GRHL1: variants seen among roughly 807,000 people sequenced by gnomAD.
GRHL1 encodes grainyhead like transcription factor 1, also known as grainyhead-like protein 1 homolog.
In GRHL1, 38 loss-of-function variants were observed where a neutral mutation model predicts 75.7. That is an observed-to-expected ratio of 0.50 (90% CI 0.39 to 0.66). The LOEUF (loss-of-function observed/expected upper bound fraction) is 0.66, where lower values mean the gene tolerates loss of function less well. Ranked by LOEUF, GRHL1 falls within the 30% of genes least tolerant of loss-of-function variation. GRHL1 has a pLI of 0.00. For missense variants in GRHL1, 589 were observed against 767.5 expected, an observed-to-expected ratio of 0.77 and a Z score of 2.75; for synonymous variants, 266 against 279.4, an observed-to-expected ratio of 0.95 and a Z score of 0.48.
At chr2:9,996,915 C>G (rs182864530) in intron 14 of GRHL1, among the ~76,000 whole-genome samples, 1 of 152,306 alleles carries the variant, frequency 6.6e-6, no homozygotes, top group East Asian at 1.9e-4. Context: ...TAAACTGACC[C>G]CATGCTCCCT....
Position 9,992,048 on chromosome 2 carries a change from A to C in GRHL1, c.1363A>C (p.Met455Leu). 6.2e-7 allele frequency: 1 copy of C among 1,611,550 alleles called. No individual in the cohort carries two copies. The highest frequency in any genetic ancestry group is 8.5e-7 in the Non-Finnish European group (1 of 1,178,496). Residue 455 changes from methionine to leucine, a missense_variant, in exon 11 of 16, where the codon ATG (methionine) becomes CTG (leucine). This residue lies in a region of GRHL1 where 192 missense variants were observed against 226.6 expected (regional missense o/e 0.85). Coordinates refer to ENST00000324907, the MANE Select transcript of GRHL1 (RefSeq NM_198182.3). This position sits in a 1 kb window ranked among gnomAD's most constrained non-coding sequence, Gnocchi z 4.6. ...GCCACTGCTTCCCTCTCACAAGCGA[A>C]TGGATATCACAGTTTTCAAACCCTT... ...KVPLLPSHKR[M>L]DITVFKPFID...
rs146036531 is a variant in GRHL1 at position 9,967,797 on chromosome 2, T to C, written c.1110+2416T>C. ...CATGCAGAATCCTGTATAGTTGGTT[T>C]TTTTTTTTACTGTTTTCTGAAAATA... On this transcript the variant is annotated intron_variant, in intron 8 of 15. Transcript: ENST00000324907. Among the ~76,000 whole-genome samples the C allele has an allele frequency of 5.4e-3, 817 of 152,264 alleles. 9 individuals are homozygous for C. Among genetic ancestry groups the C allele is most frequent in the African/African-American group, 0.019 (769 of 41,542 alleles).
intron 2 of GRHL1, among the ~76,000 whole-genome samples, chr2:9,957,195 T>TAGACA: frequency 6.6e-6 from 1 of 152,020 alleles, no homozygotes; most frequent in Non-Finnish European, 1.5e-5. Context: ...CTCACTATGT[T>TAGACA]GCCCAGGCTG....
intron 15 of GRHL1, 152 bp from the exon 16 acceptor site, chr2:10,000,441 T>C: frequency 1.7e-6 from 1 of 603,888 alleles, no homozygotes; most frequent in Non-Finnish European, 3.0e-6. Context: ...ATTATCCCCA[T>C]TTTATAGATG....
At chr2:9,976,224 G>A (rs909454771) in intron 8 of GRHL1, among the ~76,000 whole-genome samples, 10 of 152,182 alleles carry the variant, frequency 6.6e-5, no homozygotes, top group African/African-American at 1.4e-4. Flanking sequence ...TCTAGTAAGC[G>A]TAGGGTTGCA....
rs1206291945 is a variant in GRHL1, at chr2:9,987,612, A to C, written c.1269+1330A>C. Among the ~76,000 whole-genome samples the C allele has an allele frequency of 6.6e-6, 1 of 152,220 alleles. No homozygotes were observed. Among genetic ancestry groups the C allele is most frequent in the Non-Finnish European group, 1.5e-5 (1 of 68,040 alleles). ...ACAGGGAGGCAAGAAGAAAAAGTGC[A>C]GGGCCCAGAGGGATCTCTGCATGAC... On this transcript the variant is annotated intron_variant, in intron 9 of 15. Transcript: ENST00000324907. The surrounding 1 kb of genome is among the most constrained non-coding windows in gnomAD (Gnocchi z 4.2).
At chr2:9,996,101 T>C (rs1668851368) in intron 13 of GRHL1, 131 bp downstream of exon 13, 4 of 748,064 alleles carry the variant, frequency 5.3e-6, no homozygotes, top group South Asian at 1.6e-5. Context: ...CAGACTGACA[T>C]CTAGCTTGAG....
In GRHL1 at chr2:9,964,545, T is replaced by A. The variant is rs551656773; in HGVS notation, c.1015+199T>A. The A allele has an allele frequency of 4.0e-5, 20 of 500,990 alleles. No homozygotes were observed. The South Asian group carries it at 5.8e-4, about 15-fold the overall frequency. 31.0% of individuals were successfully genotyped at this position (500,990 alleles called of 1,614,324 possible). On this transcript the variant is annotated intron_variant, in intron 7 of 15. Transcript: ENST00000324907. ...TGCTCCCATGCAGTAATGGGACATG[T>A]GCCCACGTGGTGGCTTTCCACAGGA...
intron 6 of GRHL1, 78 bp downstream of exon 6, chr2:9,964,120 T>A: frequency 7.0e-7 from 1 of 1,424,386 alleles, no homozygotes. Context: ...CAGCTCTGAA[T>A]GACCGCCTGA....
chr2:9,978,675 T>C (rs1668054866), intron 8 of GRHL1, among the ~76,000 whole-genome samples: 1 of 152,132 alleles, frequency 6.6e-6, no homozygotes, highest in Non-Finnish European at 1.5e-5. Flanking sequence ...TTACTCTATT[T>C]TAGTTTGAAA....
intron 14 of GRHL1, among the ~76,000 whole-genome samples, chr2:9,998,424 A>G (rs5018439): frequency 0.25 from 8,350 of 33,074 alleles, 601 homozygotes; most frequent in African/African-American, 0.46. Context: ...GTGACTATGC[A>G]TGTGTGTGTG....
chr2:9,999,963 G>T (rs1475779228), intron 15 of GRHL1, among the ~76,000 whole-genome samples: 1 of 152,200 alleles, frequency 6.6e-6, no homozygotes, highest in Non-Finnish European at 1.5e-5. Context: ...TTCACATCAT[G>T]TAAGTTAGTG....
intron 7 of GRHL1, chr2:9,965,016 A>T (rs1364791158): frequency 5.8e-6 from 2 of 342,082 alleles, no homozygotes; most frequent in East Asian, 4.8e-5. Flanking sequence ...TAGTTTTGTG[A>T]CCTTGGGACT....
Position 9,987,125 on chromosome 2 carries a change from C to G in GRHL1, c.1269+843C>G, listed in dbSNP as rs1362949901. 6.6e-6 allele frequency among the ~76,000 whole-genome samples: 1 copy of G among 151,966 alleles called. No homozygotes were observed. Reference sequence around the variant, plus strand: ...TCTCCAGTAGCTGGGATTACAGATGCACACCCACCACACCTGGCTAATTTT... The same window carrying G: ...TCTCCAGTAGCTGGGATTACAGATGGACACCCACCACACCTGGCTAATTTT... On this transcript the variant is annotated intron_variant, in intron 9 of 15. Transcript: ENST00000324907. The surrounding 1 kb of genome is among the most constrained non-coding windows in gnomAD (Gnocchi z 4.2).
intron 8 of GRHL1, among the ~76,000 whole-genome samples, chr2:9,974,904 A>G (rs1241570657): frequency 6.6e-6 from 1 of 152,232 alleles, no homozygotes; most frequent in African/African-American, 2.4e-5. Context: ...CCATATTGTA[A>G]GTGAGGGTAA....
Position 9,987,666 on chromosome 2 carries a change from A to G in GRHL1, c.1269+1384A>G, listed in dbSNP as rs911200771. On this transcript the variant is annotated intron_variant, in intron 9 of 15. Coordinates refer to ENST00000324907, the MANE Select transcript of GRHL1 (RefSeq NM_198182.3). The surrounding 1 kb of genome is among the most constrained non-coding windows in gnomAD (Gnocchi z 4.2). The stretch of plus-strand genomic sequence containing the variant: ...TTTTCCCTGGTGTGGCTCTTTTTTT[A>G]TCTGGAGAAGAGAGGCTTACTTTTG... Among the ~76,000 whole-genome samples the G allele has an allele frequency of 2.0e-5, 3 of 151,708 alleles. No individual in the cohort carries two copies. The highest frequency in any genetic ancestry group is 7.3e-5 in the African/African-American group (3 of 41,034).
chr2:9,967,144 G>T (rs1166796000), intron 8 of GRHL1, among the ~76,000 whole-genome samples: 3 of 152,222 alleles, frequency 2.0e-5, no homozygotes, highest in Non-Finnish European at 2.9e-5. Flanking sequence ...GCGATAAAGA[G>T]CCCATAAGTC....
intron 8 of GRHL1, 24 bp from the exon 9 acceptor site, chr2:9,986,100 T>C (rs1668405173): frequency 6.3e-7 from 1 of 1,587,178 alleles, no homozygotes; most frequent in African/African-American, 1.4e-5. Flanking sequence ...CTGTTGCTTA[T>C]GGAACCTTCT....
In GRHL1 at chr2:10,001,781, A is replaced by G. The variant is rs1363142350; in HGVS notation, c.*1074A>G. 1 of 152,328 alleles carries G rather than the reference A, an allele frequency of 6.6e-6. No individual in the cohort carries two copies. Among genetic ancestry groups the G allele is most frequent in the Non-Finnish European group, 1.5e-5 (1 of 68,046 alleles). The allele number at this position is 152,328 out of a possible 1,614,324, so 9.4% of individuals were successfully genotyped here. ...TAGAGTGAAGAAACACTGTAATTAC[A>G]GCACACAGATTGCAAGTATTGCGTA... On this transcript the variant is annotated 3_prime_UTR_variant, in exon 16 of 16. Transcript: ENST00000324907.
Sources: allele counts gnomAD v4.1 joint callset (sites outside exome capture counted in the v4.1 genomes callset), GRCh38; gene constraint gnomAD v4.1.1; regional missense constraint gnomAD v4.1.1; non-coding constraint Gnocchi (gnomAD v3.1); transcripts MANE v1.5; gene names NCBI Gene and HGNC (gene_info 2026-07-23, HGNC 2026-07-21).